LDLRAD4: variants seen among roughly 807,000 people sequenced by gnomAD.
The protein encoded by LDLRAD4 is low-density lipoprotein receptor class A domain-containing protein 4.
A neutral mutation model predicts 17.0 loss-of-function variants in LDLRAD4; 5 were observed. The observed-to-expected ratio is 0.29, with a 90% confidence interval of 0.15 to 0.62. LDLRAD4 has a LOEUF of 0.62. Among genes scored for constraint, LDLRAD4 ranks in the 20% least tolerant of loss-of-function variants. The pLI is 0.84. For missense variants in LDLRAD4, 340 were observed against 424.7 expected, an observed-to-expected ratio of 0.80 and a Z score of 1.75; for synonymous variants, 168 against 171.8, an observed-to-expected ratio of 0.98 and a Z score of 0.17.
chr18:13,438,846 A>G (rs2090838868), intron 3 of LDLRAD4, among the ~76,000 whole-genome samples: 1 of 152,216 alleles, frequency 6.6e-6, no homozygotes, highest in Non-Finnish European at 1.5e-5. Context: ...AGCTTGAGTG[A>G]GGTTTTGACA....
At chr18:13,588,939 T>C (rs2094971878) in intron 3 of LDLRAD4, among the ~76,000 whole-genome samples, 1 of 150,558 alleles carries the variant, frequency 6.6e-6, no homozygotes, top group South Asian at 2.1e-4. Context: ...TTTTCTTTTT[T>C]TTTTTTTGAG....
chr18:13,369,509 C>T (rs541533092), intron 1 of LDLRAD4, among the ~76,000 whole-genome samples: 8 of 151,806 alleles, frequency 5.3e-5, no homozygotes, highest in East Asian at 3.9e-4. Flanking sequence ...GAGCATGGCA[C>T]GGGGTCTCCA....
intron 3 of LDLRAD4, among the ~76,000 whole-genome samples, chr18:13,574,622 C>A (rs569276207): frequency 1.2e-4 from 19 of 152,204 alleles, no homozygotes. Context: ...CCGGCTTTGA[C>A]GCTCATGGAG....
At chr18:13,559,977 C>T (rs572087623) in intron 3 of LDLRAD4, among the ~76,000 whole-genome samples, 5 of 152,276 alleles carry the variant, frequency 3.3e-5, no homozygotes, top group Non-Finnish European at 5.9e-5. Flanking sequence ...CAGGGTTGGG[C>T]GTTACTACCT....
At chr18:13,537,624 C>A (rs11663264) in intron 3 of LDLRAD4, among the ~76,000 whole-genome samples, 2 of 151,956 alleles carry the variant, frequency 1.3e-5, no homozygotes, top group African/African-American at 4.8e-5. Flanking sequence ...AACCGGTACT[C>A]GTCTGCAGCC....
intron 2 of LDLRAD4, among the ~76,000 whole-genome samples, chr18:13,419,072 G>A (rs2089204350): frequency 6.6e-6 from 1 of 152,086 alleles, no homozygotes; most frequent in Admixed American, 6.5e-5. Context: ...ATGACCTTAG[G>A]GCTATATTTA....
At chr18:13,269,782 TCTCAAA>T (rs2044421978) in intron 1 of LDLRAD4, among the ~76,000 whole-genome samples, 1 of 152,180 alleles carries the variant, frequency 6.6e-6, no homozygotes. Context: ...ATGGTCTCAT[TCTCAAA>T]CTCAGTGTCC....
Position 13,598,274 on chromosome 18 carries a change from G to A in LDLRAD4, c.182-22843G>A, listed in dbSNP as rs139310880. Among the ~76,000 whole-genome samples, 101 of 152,256 alleles carry A rather than the reference G, an allele frequency of 6.6e-4. No individual in the cohort carries two copies. In the East Asian group the frequency reaches 9.1e-3, roughly 14 times the overall value. On this transcript the variant is annotated intron_variant, in intron 3 of 5. Coordinates refer to ENST00000359446, the Ensembl canonical transcript of LDLRAD4. ...AAGCCTCTGATGTCACTCCTCAGAGGGCACAGCCTTGGATATGGCACAGTC... is the reference window on the plus strand; with the variant it reads ...AAGCCTCTGATGTCACTCCTCAGAGAGCACAGCCTTGGATATGGCACAGTC...
At chr18:13,633,558 G>A (rs1006855985) in intron 4 of LDLRAD4, among the ~76,000 whole-genome samples, 7 of 152,240 alleles carry the variant, frequency 4.6e-5, no homozygotes, top group Non-Finnish European at 1.0e-4. Context: ...AAGTCCGGAG[G>A]GGGCTGAGGT....
Position 13,367,891 on chromosome 18 carries a change from G to A in LDLRAD4, c.-382-19450G>A, listed in dbSNP as rs553146046. Among the ~76,000 whole-genome samples, 73 of 152,030 alleles carry A rather than the reference G, an allele frequency of 4.8e-4. No homozygotes were observed. Among genetic ancestry groups the A allele is most frequent in the Admixed American group, 9.8e-4 (15 of 15,258 alleles). ...AGAGGGGACGACTGGGCATGGGGGC[G>A]TGTGCCTGTGGTCACAGCTACTCAG... On this transcript the variant is annotated intron_variant, in intron 1 of 5. Coordinates refer to ENST00000359446, the Ensembl canonical transcript of LDLRAD4. This position sits in a 1 kb window ranked among gnomAD's most constrained non-coding sequence, Gnocchi z 4.1.
intron 1 of LDLRAD4, among the ~76,000 whole-genome samples, chr18:13,234,285 T>C (rs1337694090): frequency 1.3e-5 from 2 of 152,174 alleles, no homozygotes; most frequent in African/African-American, 4.8e-5. Context: ...CAGGCCTCTG[T>C]GGTTGCCCTA....
intron 3 of LDLRAD4, chr18:13,514,722 G>T (rs2093836811): frequency 6.6e-6 from 1 of 152,222 alleles, no homozygotes; most frequent in African/African-American, 2.4e-5. Flanking sequence ...GCTAATCCCA[G>T]GATCACAGGC....
intron 3 of LDLRAD4, among the ~76,000 whole-genome samples, chr18:13,539,739 A>C (rs2094249218): frequency 6.6e-6 from 1 of 152,198 alleles, no homozygotes; most frequent in Admixed American, 6.5e-5. Flanking sequence ...TGATATTTTC[A>C]TATTTGCTCA....
At chr18:13,323,404 A>G (rs2081357595) in intron 1 of LDLRAD4, among the ~76,000 whole-genome samples, 2 of 152,148 alleles carry the variant, frequency 1.3e-5, no homozygotes, top group Non-Finnish European at 2.9e-5. Context: ...TAATTAGGAG[A>G]GGGCTGGATG....
At chr18:13,435,439 G>C (rs1051579853) in intron 2 of LDLRAD4, among the ~76,000 whole-genome samples, 1 of 152,008 alleles carries the variant, frequency 6.6e-6, no homozygotes, top group South Asian at 2.1e-4. Context: ...TTATAAATTT[G>C]ATTTTTTTTA....
intron 1 of LDLRAD4, among the ~76,000 whole-genome samples, chr18:13,312,404 T>G (rs2047289423): frequency 6.6e-6 from 1 of 152,124 alleles, no homozygotes. Flanking sequence ...TTTCAAATAA[T>G]GATATTCAAC....
intron 1 of LDLRAD4, among the ~76,000 whole-genome samples, chr18:13,285,573 TAGC>T (rs923423378): frequency 3.3e-5 from 5 of 152,224 alleles, no homozygotes; most frequent in African/African-American, 1.2e-4. Flanking sequence ...GATGCTGGGT[TAGC>T]TTAGTGAGCT....
At chr18:13,365,007 G>A (rs2083950355) in intron 1 of LDLRAD4, among the ~76,000 whole-genome samples, 1 of 152,218 alleles carries the variant, frequency 6.6e-6, no homozygotes, top group Admixed American at 6.5e-5. Flanking sequence ...AGCGATGCAG[G>A]TGCTGCTGAG....
chr18:13,517,896 G>A (rs527742626), intron 3 of LDLRAD4, among the ~76,000 whole-genome samples: 4 of 152,164 alleles, frequency 2.6e-5, no homozygotes, highest in African/African-American at 9.6e-5. Flanking sequence ...CCGCCACCAC[G>A]CCTGGCTAAT....
Sources: allele counts gnomAD v4.1 joint callset (sites outside exome capture counted in the v4.1 genomes callset), GRCh38; gene constraint gnomAD v4.1.1; non-coding constraint Gnocchi (gnomAD v3.1); transcripts MANE v1.5; gene names NCBI Gene and HGNC (gene_info 2026-07-23, HGNC 2026-07-21).